HCRTR2: variants seen among roughly 807,000 people sequenced by gnomAD.
HCRTR2 encodes the protein orexin receptor type 2.
A neutral mutation model predicts 49.0 loss-of-function variants in HCRTR2; 22 were observed. That is an observed-to-expected ratio of 0.45 (90% CI 0.32 to 0.64). The LOEUF is 0.64. Among genes scored for constraint, HCRTR2 ranks in the 30% least tolerant of loss-of-function variants. HCRTR2 has a pLI of 0.04. For synonymous variants in HCRTR2, 236 were observed against 205.3 expected, an observed-to-expected ratio of 1.15 and a Z score of -1.28; for missense variants, 491 against 559.4, an observed-to-expected ratio of 0.88 and a Z score of 1.23.
chr6:55,276,739 A>G (rs1297301359), intron 4 of HCRTR2, among the ~76,000 whole-genome samples: 3 of 152,220 alleles, frequency 2.0e-5, no homozygotes, highest in South Asian at 4.1e-4. Context: ...ACCGCAAAAA[A>G]TCCTCAATGG....
In HCRTR2 at chr6:55,125,642, A is replaced by G. The variant is rs147148498; in HGVS notation, c.-378+19097A>G. ...CTTTGTGGTGTTGTCTGTATTTCCT[A>G]AATTTGAATGTTGGCCTGTCTTGCT... On this transcript the variant is annotated intron_variant, in intron 1 of 7. Transcript: ENST00000615358. 4.5e-3 allele frequency among the ~76,000 whole-genome samples: 677 copies of G among 152,072 alleles called. 2 individuals are homozygous for G. The highest frequency in any genetic ancestry group is 0.015 in the African/African-American group (635 of 41,470).
Position 55,269,017 on chromosome 6 carries a change from G to A in HCRTR2, c.762+5195G>A, listed in dbSNP as rs372159535. The stretch of plus-strand genomic sequence containing the variant: ...AGGCAGGAGAATGGCGTGAACCCGG[G>A]GGGTGGAGCCTGCAGTGAACAGAGA... On this transcript the variant is annotated intron_variant, in intron 4 of 6. Transcript: ENST00000370862. 3.3e-5 allele frequency among the ~76,000 whole-genome samples: 5 copies of A among 151,374 alleles called. No homozygotes were observed. In the East Asian group the frequency reaches 5.8e-4, roughly 18 times the overall value.
upstream of HCRTR2, chr6:55,174,495 T>G (rs1403817034): frequency 9.2e-7 from 1 of 1,084,578 alleles, no homozygotes; most frequent in Non-Finnish European, 1.4e-6. Context: ...TTCTAGCCTC[T>G]CCGCGCAGCC....
At chr6:55,159,347 A>C (rs1292566217) in intron 1 of HCRTR2, among the ~76,000 whole-genome samples, 2 of 152,216 alleles carry the variant, frequency 1.3e-5, no homozygotes, top group Non-Finnish European at 2.9e-5. Flanking sequence ...ACCAACACCA[A>C]ATACCAAAGG....
intron 1 of HCRTR2, among the ~76,000 whole-genome samples, chr6:55,228,755 G>T (rs192126714): frequency 6.6e-6 from 1 of 152,234 alleles, no homozygotes. Flanking sequence ...TTCACAGAAT[G>T]AAAAATTAAA....
At chr6:55,261,532 AG>A (rs1168729598) in intron 3 of HCRTR2, among the ~76,000 whole-genome samples, 9 of 152,030 alleles carry the variant, frequency 5.9e-5, no homozygotes, top group Non-Finnish European at 1.3e-4. Context: ...GGTCTCCCAA[AG>A]TACTGGGATT....
chr6:55,226,870 C>A (rs543966141), intron 1 of HCRTR2, among the ~76,000 whole-genome samples: 7 of 151,804 alleles, frequency 4.6e-5, no homozygotes, highest in Admixed American at 4.6e-4. Context: ...AGGTGCCCGC[C>A]ACCACGCCCG....
At position 55,260,381 on chromosome 6, in the gene HCRTR2, C is replaced by A. The variant is rs190719623; in HGVS notation, c.647-3326C>A. 4.6e-5 allele frequency among the ~76,000 whole-genome samples: 7 copies of A among 152,256 alleles called. 1 individual carries two copies. The highest frequency in any genetic ancestry group is 2.6e-4 in the Admixed American group (4 of 15,288). ...CACTTTCAGATTCCTTTGAAATTGG[C>A]CCGCCATATGCTGTGTAGGCTGTGG... On this transcript the variant is annotated intron_variant, in intron 3 of 6. Transcript: ENST00000370862.
At chr6:55,235,470 G>T (rs1766196649) in intron 1 of HCRTR2, among the ~76,000 whole-genome samples, 1 of 151,938 alleles carries the variant, frequency 6.6e-6, no homozygotes, top group Non-Finnish European at 1.5e-5. Flanking sequence ...ATATATTTTT[G>T]TCCTCTTTTG....
Position 55,282,544 on chromosome 6 carries a change from G to T in HCRTR2, c.*90G>T. The T allele has an allele frequency of 1.4e-6, 1 of 727,706 alleles. No individual in the cohort carries two copies. Among genetic ancestry groups the T allele is most frequent in the Non-Finnish European group, 2.4e-6 (1 of 425,350 alleles). The allele number at this position is 727,706 out of a possible 1,614,324, so 45.1% of individuals were successfully genotyped here. A position where few individuals can be genotyped will look rare whatever the true frequency, so the allele number is the denominator to read the frequency against. On this transcript the variant is annotated 3_prime_UTR_variant, in exon 7 of 7. Coordinates refer to ENST00000370862, the MANE Select transcript of HCRTR2 (RefSeq NM_001384272.1). ...AAATTTTATTATCCTATGATGTGAA[G>T]CTAAAATTACTTGTGGATCTTTTTT...
chr6:55,135,763 C>G (rs1006930131), intron 1 of HCRTR2, among the ~76,000 whole-genome samples: 2 of 152,144 alleles, frequency 1.3e-5, no homozygotes, highest in Admixed American at 6.6e-5. Context: ...AATTTACATA[C>G]TCAAGGTAAC....
chr6:55,129,894 C>G (rs1183651725), intron 1 of HCRTR2, among the ~76,000 whole-genome samples: 1 of 151,920 alleles, frequency 6.6e-6, no homozygotes, highest in East Asian at 1.9e-4. Context: ...TTACTTTAAC[C>G]CCTTAGTCTC....
chr6:55,269,014 C>CG (rs1766917558), intron 4 of HCRTR2, among the ~76,000 whole-genome samples: 1 of 144,282 alleles, frequency 6.9e-6, no homozygotes, highest in African/African-American at 2.6e-5. Context: ...GGCGTGAACC[C>CG]GGGGGGTGGA....
At chr6:55,182,185 G>A (rs1765144755) in intron 1 of HCRTR2, among the ~76,000 whole-genome samples, 2 of 152,206 alleles carry the variant, frequency 1.3e-5, no homozygotes, top group African/African-American at 4.8e-5. Flanking sequence ...CCTAAAAGGT[G>A]GACTCTGTGG....
chr6:55,251,623 T>A (rs1276403795), intron 2 of HCRTR2, among the ~76,000 whole-genome samples: 1 of 152,050 alleles, frequency 6.6e-6, no homozygotes, highest in East Asian at 1.9e-4. Flanking sequence ...AAGCTCCCTC[T>A]CTTTCAGTCA....
chr6:55,115,190 A>G (rs550480900), intron 1 of HCRTR2, among the ~76,000 whole-genome samples: 1 of 151,774 alleles, frequency 6.6e-6, no homozygotes, highest in Admixed American at 6.6e-5. Flanking sequence ...TCATTTATCC[A>G]TGTATATTCT....
upstream of HCRTR2, among the ~76,000 whole-genome samples, chr6:55,172,679 C>T (rs1402753130): frequency 2.0e-5 from 3 of 152,058 alleles, no homozygotes; most frequent in East Asian, 1.9e-4. Context: ...ATTTATCTTT[C>T]GTAAATCATC....
chr6:55,265,293 C>A (rs966781645), intron 4 of HCRTR2, among the ~76,000 whole-genome samples: 2 of 152,040 alleles, frequency 1.3e-5, no homozygotes, highest in Non-Finnish European at 2.9e-5. Flanking sequence ...ATCCTGCTTC[C>A]TAGTACCTAT....
chr6:55,245,360 G>A (rs1370929062), intron 1 of HCRTR2, among the ~76,000 whole-genome samples: 5 of 135,834 alleles, frequency 3.7e-5, no homozygotes, highest in East Asian at 2.1e-4. Context: ...CAAGGGAACC[G>A]ATGTGTGTGT....
Sources: allele counts gnomAD v4.1 joint callset (sites outside exome capture counted in the v4.1 genomes callset), GRCh38; gene constraint gnomAD v4.1.1; transcripts MANE v1.5; gene names NCBI Gene and HGNC (gene_info 2026-07-23, HGNC 2026-07-21).